The following NBPF9 variants were observed in gnomAD, a reference collection of about 807,000 sequenced individuals.
The protein encoded by NBPF9 is NBPF family member NBPF9.
Under a neutral mutation model 97.8 loss-of-function variants are expected in NBPF9, and 91 were observed. The observed-to-expected ratio is 0.93, with a 90% CI of 0.79 to 1.11. The LOEUF is 1.11. NBPF9 is among the 50% of genes least tolerant of loss of function. The probability of loss-of-function intolerance (pLI) is 0.00; values close to 1 mark genes in which losing one functional copy is unlikely to be tolerated. For synonymous variants in NBPF9, 334 were observed against 359.5 expected, an observed-to-expected ratio of 0.93 and a Z score of 0.80; for missense variants, 992 against 939.5, an observed-to-expected ratio of 1.06 and a Z score of -0.73.
intron 5 of NBPF9, among the ~76,000 whole-genome samples, chr1:149,086,821 G>A (rs1467039846): frequency 2.0e-5 from 3 of 152,056 alleles, no homozygotes; most frequent in South Asian, 2.1e-4. Context: ...ACTGAGCCAC[G>A]AGAAATAGCA....
chr1:149,055,830 A>G (rs12026633), exon 30 of NBPF9: 2 of 1,585,900 alleles, frequency 1.3e-6, no homozygotes, highest in East Asian at 2.5e-5. Context: ...TTGACGGAGT[A>G]GAATAACATC....
exon 20 of NBPF9, chr1:149,063,759 C>A: frequency 1.6e-6 from 1 of 609,194 alleles, no homozygotes; most frequent in Non-Finnish European, 2.9e-6. Flanking sequence ...TCCAGTGAGT[C>A]CTGCAAGACT....
chr1:149,103,280 G>A (rs144846162), intron 1 of NBPF9, 21 bp downstream of exon 1: 4 of 146,782 alleles, frequency 2.7e-5, no homozygotes, highest in East Asian at 4.1e-4. Flanking sequence ...CCGCCCGCCC[G>A]GCCTGGCGCG....
chr1:149,071,409 T>A (rs2079398425), intron 15 of NBPF9, among the ~76,000 whole-genome samples, 195 bp downstream of exon 15: 1 of 148,542 alleles, frequency 6.7e-6, no homozygotes, highest in Non-Finnish European at 1.5e-5. Context: ...CCTTGTACGG[T>A]GCAGACATGA....
intron 3 of NBPF9, among the ~76,000 whole-genome samples, chr1:149,100,056 G>A (rs1327892106): frequency 2.8e-5 from 4 of 143,190 alleles, no homozygotes; most frequent in South Asian, 4.7e-4. Flanking sequence ...ATCATATCAC[G>A]TCGGCCCTTT....
Position 149,072,944 on chromosome 1 carries a change from T to C in NBPF9, c.1092-12A>G, listed in dbSNP as rs2093863. ...GGACTTTATATTGCCTAAGGTGAGA[T>C]GGTAGAGAAAAATTAAGAGTGGAAA... On this transcript the variant is annotated splice_polypyrimidine_tract_variant and intron_variant, in intron 13 of 29. Transcript: ENST00000584027. The C allele has an allele frequency of 4.9e-5, 79 of 1,606,268 alleles. 2 individuals are homozygous for C. Among genetic ancestry groups the C allele is most frequent in the Middle Eastern group, 2.3e-4 (1 of 4,404 alleles).
intron 5 of NBPF9, among the ~76,000 whole-genome samples, chr1:149,086,827 T>C (rs28800564): frequency 3.3e-5 from 5 of 152,016 alleles, no homozygotes; most frequent in African/African-American, 9.7e-5. Context: ...CCACGAGAAA[T>C]AGCAGCCCGC....
chr1:149,082,559 A>G, intron 5 of NBPF9, 129 bp from the exon 6 acceptor site: 1 of 557,174 alleles, frequency 1.8e-6, no homozygotes, highest in East Asian at 3.7e-5. Flanking sequence ...ACCAATGGGG[A>G]TCATTCCTTC....
At chr1:149,069,484 A>AGCTG (rs1365152010) in intron 17 of NBPF9, 110 bp downstream of exon 17, 1 of 589,054 alleles carries the variant, frequency 1.7e-6, no homozygotes, top group Non-Finnish European at 3.1e-6. Context: ...CACAATTTGT[A>AGCTG]GCTGGGTGAA....
chr1:149,085,253 T>TA (rs879059208), intron 5 of NBPF9, among the ~76,000 whole-genome samples: 11 of 151,400 alleles, frequency 7.3e-5, no homozygotes, highest in African/African-American at 1.2e-4. Flanking sequence ...AAGATTCTAC[T>TA]AAAAAAAAAT....
chr1:149,100,898 C>T (rs1477039862), intron 3 of NBPF9, among the ~76,000 whole-genome samples: 2 of 149,796 alleles, frequency 1.3e-5, no homozygotes, highest in Non-Finnish European at 1.5e-5. Context: ...CCTGCCACGG[C>T]ACTCTAGCCT....
chr1:149,055,611 G>T (rs782665150), exon 30 of NBPF9: 11 of 1,611,044 alleles, frequency 6.8e-6, no homozygotes, highest in Non-Finnish European at 8.5e-6. Flanking sequence ...CGTGCCTATA[G>T]GTCCTGCCTG....
rs1223421771 is a variant in NBPF9 at position 149,100,975 on chromosome 1, A to AT, written c.-606+286dup. ...ATGCAAAAACTAAAATAAAATTGCTATAAGGTTAACACAGAAAAATGTGTT... is the reference window on the plus strand; with the variant it reads ...ATGCAAAAACTAAAATAAAATTGCTATTAAGGTTAACACAGAAAAATGTGTT... On this transcript the variant is annotated intron_variant, in intron 3 of 29. Transcript: ENST00000584027. 2.6e-4 allele frequency among the ~76,000 whole-genome samples: 39 copies of AT among 152,086 alleles called. 2 individuals are homozygous for AT. In the South Asian group the frequency reaches 7.9e-3, roughly 31 times the overall value.
chr1:149,057,753 A>ACACACT (rs1575821192), intron 27 of NBPF9, among the ~76,000 whole-genome samples: 4 of 80,120 alleles, frequency 5.0e-5, no homozygotes, highest in Admixed American at 1.3e-4. Context: ...ACACACACAC[A>ACACACT]GAGAGAGAGA....
chr1:149,073,743 G>T lies in NBPF9; in HGVS notation c.1091+25C>A, dbSNP rs1236080879. 2.1e-5 allele frequency: 33 copies of T among 1,561,546 alleles called. 2 individuals are homozygous for T. The highest frequency in any genetic ancestry group is 2.7e-5 in the Non-Finnish European group (31 of 1,139,350). On this transcript the variant is annotated intron_variant, in intron 13 of 29. Coordinates refer to ENST00000584027, the Ensembl canonical transcript of NBPF9. Reference sequence around the variant, plus strand: ...CAGAGATTTACACACCTGCCCCCCTGCCTGCCCCCATGGGGTCCCCTCACC... The same window carrying T: ...CAGAGATTTACACACCTGCCCCCCTTCCTGCCCCCATGGGGTCCCCTCACC...
chr1:149,094,204 T>A (rs1253404750), intron 4 of NBPF9, among the ~76,000 whole-genome samples: 3 of 150,010 alleles, frequency 2.0e-5, no homozygotes, highest in Admixed American at 2.0e-4. Flanking sequence ...AAATGTATCA[T>A]CTCAATTTTA....
At chr1:149,082,905 A>G (rs1466192941) in intron 5 of NBPF9, among the ~76,000 whole-genome samples, 1 of 145,568 alleles carries the variant, frequency 6.9e-6, no homozygotes, top group African/African-American at 2.5e-5. Flanking sequence ...TCAGACTCCC[A>G]AGTAGCTGGG....
rs139504097 is a variant in NBPF9, at chr1:149,055,344, C to T, written c.*312G>A. Reference sequence around the variant, plus strand: ...TTGAGCAGGTATAGAAGCTCAGAGACATGTCTGCAAAATGAAATCCCTGAG... The same window carrying T: ...TTGAGCAGGTATAGAAGCTCAGAGATATGTCTGCAAAATGAAATCCCTGAG... On this transcript the variant is annotated 3_prime_UTR_variant, in exon 30 of 30. Coordinates refer to ENST00000584027, the Ensembl canonical transcript of NBPF9. 7.9e-3 allele frequency: 4,440 copies of T among 560,850 alleles called. 26 individuals carry two copies. Among genetic ancestry groups the T allele is most frequent in the Middle Eastern group, 0.023 (45 of 1,970 alleles). 34.7% of individuals were successfully genotyped at this position (560,850 alleles called of 1,614,324 possible).
At chr1:149,055,523 A>C (rs2078146879) in exon 30 of NBPF9, 1 of 1,546,136 alleles carries the variant, frequency 6.5e-7, no homozygotes, top group Admixed American at 1.9e-5. Flanking sequence ...TGGTTTGAGA[A>C]TAGGAATAGA....
Sources: allele counts gnomAD v4.1 joint callset (sites outside exome capture counted in the v4.1 genomes callset), GRCh38; gene constraint gnomAD v4.1.1; transcripts MANE v1.5; gene names NCBI Gene and HGNC (gene_info 2026-07-23, HGNC 2026-07-21).